Variants in MDM2 observed in about 807,000 individuals in gnomAD.
MDM2 encodes the protein MDM2 proto-oncogene.
In MDM2, 11 loss-of-function variants were observed where a neutral mutation model predicts 64.3. The ratio of observed to expected loss-of-function variants is 0.17; its 90% CI spans 0.11 to 0.28. The LOEUF (loss-of-function observed/expected upper bound fraction) is 0.28. Among genes scored for constraint, MDM2 ranks in the 10% least tolerant of loss-of-function variants. MDM2 has a pLI of 1.00. For missense variants in MDM2, 388 were observed against 577.1 expected (o/e 0.67, Z 3.36); for synonymous variants, 194 against 192.9 (o/e 1.01, Z -0.05).
chr12:68,809,400 T>C, intron 2 of MDM2, 108 bp downstream of exon 2: 1 of 1,005,144 alleles, frequency 9.9e-7, no homozygotes, highest in Non-Finnish European at 1.6e-6. Flanking sequence ...TAAAATTGTA[T>C]GTGCATAGCT....
rs529397103 is a variant in MDM2 at position 68,842,423 on chromosome 12, T to C, written c.*2574T>C. 1 of 470,460 alleles carries C rather than the reference T, an allele frequency of 2.1e-6. No homozygotes were observed. Among genetic ancestry groups the C allele is most frequent in the African/African-American group, 2.0e-5 (1 of 50,420 alleles). 29.1% of individuals were successfully genotyped at this position (470,460 alleles called of 1,614,324 possible). A position where few individuals can be genotyped will look rare whatever the true frequency, so the allele number is the denominator to read the frequency against. On this transcript the variant is annotated 3_prime_UTR_variant, in exon 11 of 11. Transcript: ENST00000258149. ...ATCTATAACCATTTCTATATTTACA[T>C]TTGAAAATCTCCTTTGGAGACTTAG...
Position 68,824,559 on chromosome 12 carries a change from T to C in MDM2, c.431T>C (p.Leu144Pro), listed in dbSNP as rs2136138396. ...HLEGGSDQKD[L>P]VQELQEEKPS... ...ATTTTTTTCCTAAATGCTTAGGACCTTGTACAAGAGCTTCAGGAAGAGAAA... is the reference window on the plus strand; with the variant it reads ...ATTTTTTTCCTAAATGCTTAGGACCCTGTACAAGAGCTTCAGGAAGAGAAA... The change falls in exon 7 of 11, where the codon CTT (leucine) becomes CCT (proline). Residue 144 changes from leucine to proline, a missense_variant. Physicochemically the swap from Leu to Pro is moderately conservative, Grantham distance 98. Around this residue, in one of 5 missense-constraint regions of MDM2, gnomAD observed 168 missense variants for 236.6 expected, o/e 0.71. Transcript: ENST00000258149. 1.2e-6 allele frequency: 2 copies of C among 1,613,106 alleles called. No individual in the cohort carries two copies. Among genetic ancestry groups the C allele is most frequent in the Non-Finnish European group, 1.7e-6 (2 of 1,179,540 alleles).
Position 68,837,615 on chromosome 12 carries a change from C to T in MDM2, c.918+866C>T, listed in dbSNP as rs1369427377. Among the ~76,000 whole-genome samples, 8 of 152,006 alleles carry T rather than the reference C, an allele frequency of 5.3e-5. No homozygotes were observed. The East Asian group carries it at 7.7e-4, about 15-fold the overall frequency. ...AAGTGATCCACCTGCCTCAGTCTCC[C>T]AAAGTGCAAGGATTACAGGTGTGAG... On this transcript the variant is annotated intron_variant, in intron 10 of 10. Transcript: ENST00000258149.
intron 5 of MDM2, among the ~76,000 whole-genome samples, chr12:68,822,632 A>C (rs1881957880): frequency 6.6e-6 from 1 of 152,212 alleles, no homozygotes; most frequent in Non-Finnish European, 1.5e-5. Flanking sequence ...CATTACTAGA[A>C]AAATTGTATT....
rs977882715 is a variant in MDM2 at position 68,825,679 on chromosome 12, CAGAG to C, written c.523+1032_523+1035del. Among the ~76,000 whole-genome samples the C allele has an allele frequency of 1.1e-4, 16 of 152,254 alleles. 1 individual carries two copies. In the Middle Eastern group the frequency reaches 0.014, roughly 129 times the overall value. On this transcript the variant is annotated intron_variant, in intron 7 of 10. Transcript: ENST00000258149. ...AAAGAGAGAGAGAGAAAATAGTTGACAGAGAGAAAATAGTTGAGAACAGTTAGTA... is the reference window on the plus strand; with the variant it reads ...AAAGAGAGAGAGAGAAAATAGTTGACAGAAAATAGTTGAGAACAGTTAGTA...
rs778629802 is a variant in MDM2 at position 68,824,662 on chromosome 12, ATATT to A, written c.523+17_523+20del. On this transcript the variant is annotated intron_variant, in intron 7 of 10. Coordinates refer to ENST00000258149, the MANE Select transcript of MDM2 (RefSeq NM_002392.6). ...CAATTAGTGAGACAGGTATATATGAATATTTATTTGACGCATTCACACAGCTTTT... is the reference window on the plus strand; with the variant it reads ...CAATTAGTGAGACAGGTATATATGAATATTTGACGCATTCACACAGCTTTT... 4.0e-6 allele frequency: 6 copies of A among 1,512,734 alleles called. No homozygotes were observed. The African/African-American group carries it at 4.2e-5, about 10-fold the overall frequency. 93.7% of individuals were successfully genotyped at this position (1,512,734 alleles called of 1,614,324 possible).
At chr12:68,828,727 T>A (rs1882545264) in intron 7 of MDM2, 44 bp from the exon 8 acceptor site, 2 of 1,586,434 alleles carry the variant, frequency 1.3e-6, no homozygotes, top group South Asian at 2.2e-5. Flanking sequence ...CTCAATTTTC[T>A]AAATCACAGT....
At position 68,844,752 on chromosome 12, in the gene MDM2, A is replaced by G. The variant is rs1387579844; in HGVS notation, c.*4903A>G. Reference sequence around the variant, plus strand: ...ATAATTAAGATTTTTTAAATCCTTAATAAGGGTTTTATTTTATTTTTATTT... The same window carrying G: ...ATAATTAAGATTTTTTAAATCCTTAGTAAGGGTTTTATTTTATTTTTATTT... On this transcript the variant is annotated 3_prime_UTR_variant, in exon 11 of 11. Coordinates refer to ENST00000258149, the MANE Select transcript of MDM2 (RefSeq NM_002392.6). 2 of 208,826 alleles carry G rather than the reference A, an allele frequency of 9.6e-6. No homozygotes were observed. The highest frequency in any genetic ancestry group is 1.9e-4 in the South Asian group (1 of 5,318). 12.9% of individuals were successfully genotyped at this position (208,826 alleles called of 1,614,324 possible). A position where few individuals can be genotyped will look rare whatever the true frequency, so the allele number is the denominator to read the frequency against.
chr12:68,835,739 C>G, intron 8 of MDM2, 90 bp from the exon 9 acceptor site: 9 of 1,253,598 alleles, frequency 7.2e-6, no homozygotes, highest in Non-Finnish European at 9.9e-6. Flanking sequence ...ACCCTGCTGG[C>G]AGCAGCAGAG....
chr12:68,827,470 T>A (rs973241846), intron 7 of MDM2, among the ~76,000 whole-genome samples: 1 of 152,214 alleles, frequency 6.6e-6, no homozygotes, highest in African/African-American at 2.4e-5. Context: ...TAATTTTTAC[T>A]ATATATGTTG....
downstream of MDM2, chr12:68,847,476 C>G: frequency 2.9e-5 from 1 of 34,966 alleles, no homozygotes; most frequent in African/African-American, 3.0e-4. Flanking sequence ...TTTTTTGAGA[C>G]GGAGTCCCGC....
Position 68,808,349 on chromosome 12 carries a change from C to G in MDM2, c.-129C>G. On this transcript the variant is annotated 5_prime_UTR_variant, in exon 1 of 11. Coordinates refer to ENST00000258149, the MANE Select transcript of MDM2 (RefSeq NM_002392.6). Reference sequence around the variant, plus strand: ...CCGTCCCTCCCCGGATTAGTGCGTACGAGCGCCCAGTGCCCTGGCCCGGAG... The same window carrying G: ...CCGTCCCTCCCCGGATTAGTGCGTAGGAGCGCCCAGTGCCCTGGCCCGGAG... 1.6e-6 allele frequency: 2 copies of G among 1,257,652 alleles called. No homozygotes were observed. Among genetic ancestry groups the G allele is most frequent in the Non-Finnish European group, 2.3e-6 (2 of 872,124 alleles). The allele number at this position is 1,257,652 out of a possible 1,614,324, so 77.9% of individuals were successfully genotyped here. A position where few individuals can be genotyped will look rare whatever the true frequency, so the allele number is the denominator to read the frequency against.
chr12:68,828,936 T>C lies in MDM2; in HGVS notation c.684+5T>C. 6.2e-7 allele frequency: 1 copy of C among 1,613,576 alleles called. No individual in the cohort carries two copies. The highest frequency in any genetic ancestry group is 8.5e-7 in the Non-Finnish European group (1 of 1,179,720). On this transcript the variant is annotated splice_donor_5th_base_variant and intron_variant, in intron 8 of 10. Coordinates refer to ENST00000258149, the MANE Select transcript of MDM2 (RefSeq NM_002392.6). ...ACAGGGACGCCATCGAATCCGGTAA[T>C]GTTCTCATTTTAAGTAAGGCAAGAC... is the stretch of plus-strand genomic sequence containing the variant.
chr12:68,836,469 T>G, intron 9 of MDM2: 1 of 453,440 alleles, frequency 2.2e-6, no homozygotes. Context: ...TAAACATCCT[T>G]TGTATTGACT....
At chr12:68,834,396 C>G (rs765129251) in intron 8 of MDM2, among the ~76,000 whole-genome samples, 8 of 151,112 alleles carry the variant, frequency 5.3e-5, no homozygotes, top group Non-Finnish European at 1.0e-4. Context: ...GAGCTGAGAT[C>G]ATGCCACTGC....
chr12:68,840,760 G>A lies in MDM2; in HGVS notation c.*911G>A, dbSNP rs977884764. The A allele has an allele frequency of 1.7e-4, 29 of 166,102 alleles. No homozygotes were observed. Among genetic ancestry groups the A allele is most frequent in the Non-Finnish European group, 3.4e-4 (26 of 76,760 alleles). The allele number at this position is 166,102 out of a possible 1,614,324, so 10.3% of individuals were successfully genotyped here. Reference sequence around the variant, plus strand: ...ACCTCAAGTGAGGTCACCCGCCTCGGCCTCCCGAAGTGCTGGGATTGCAGA... The same window carrying A: ...ACCTCAAGTGAGGTCACCCGCCTCGACCTCCCGAAGTGCTGGGATTGCAGA... On this transcript the variant is annotated 3_prime_UTR_variant, in exon 11 of 11. Coordinates refer to ENST00000258149, the MANE Select transcript of MDM2 (RefSeq NM_002392.6).
chr12:68,810,964 C>T (rs943087328), intron 2 of MDM2, among the ~76,000 whole-genome samples: 2 of 152,070 alleles, frequency 1.3e-5, no homozygotes, highest in Admixed American at 6.5e-5. Context: ...CTCACGGGTT[C>T]AAGCGATTCT....
At chr12:68,828,144 T>C (rs1882490084) in intron 7 of MDM2, 1 of 151,730 alleles carries the variant, frequency 6.6e-6, no homozygotes, top group African/African-American at 2.4e-5. Flanking sequence ...AGAAAAAGTG[T>C]AGGGTACTGA....
chr12:68,820,298 G>A, intron 4 of MDM2, 27 bp from the exon 5 acceptor site: 1 of 1,468,284 alleles, frequency 6.8e-7, no homozygotes, highest in African/African-American at 1.4e-5. Context: ...TACATCTCTT[G>A]TTATTTTTTT....
Sources: gnomAD v4.1 joint callset for allele counts (sites outside exome capture counted in the v4.1 genomes callset) on GRCh38, gnomAD v4.1.1 for gene constraint, gnomAD v4.1.1 regional missense constraint, MANE v1.5 for transcripts, NCBI Gene and HGNC (gene_info 2026-07-23, HGNC 2026-07-21) for gene names.